The following GCG variants were observed in gnomAD, a reference collection of about 807,000 sequenced individuals.
The protein encoded by GCG is glucagon.
In GCG, 11 loss-of-function variants were observed where a neutral mutation model predicts 22.8. The observed-to-expected ratio is 0.48, with a 90% confidence interval of 0.30 to 0.80. The LOEUF is 0.80. Among genes scored for constraint, GCG ranks in the 30% least tolerant of loss-of-function variants. The pLI is 0.06. For synonymous variants in GCG, 89 were observed against 72.4 expected (o/e 1.23, Z -1.16); for missense variants, 222 against 222.0 (o/e 1.00, Z 0.00).
chr2:162,149,607 A>G (rs1243930300), intron 1 of GCG, among the ~76,000 whole-genome samples: 1 of 152,146 alleles, frequency 6.6e-6, no homozygotes, highest in Non-Finnish European at 1.5e-5. Flanking sequence ...TTCAATTAAT[A>G]GTCCTTCACT....
chr2:162,147,532 T>C lies in GCG; in HGVS notation c.93-18A>G, dbSNP rs765748807. ...AGAATGATCTGTGAAGAACAGTGAT[T>C]GGTACAACATAAATCTCTCCTCAAG... On this transcript the variant is annotated intron_variant, in intron 2 of 5. Transcript: ENST00000418842. 3.1e-6 allele frequency: 5 copies of C among 1,610,812 alleles called. No individual in the cohort carries two copies. The highest frequency in any genetic ancestry group is 2.2e-5 in the South Asian group (2 of 91,020).
intron 1 of GCG, among the ~76,000 whole-genome samples, chr2:162,151,560 AC>A (rs1313706198): frequency 1.3e-5 from 2 of 151,996 alleles, no homozygotes; most frequent in Non-Finnish European, 2.9e-5. Flanking sequence ...TCCAAAGAAA[AC>A]CCCCCAAATA....
rs908394207 is a variant in GCG at position 162,149,290 on chromosome 2, G to A, written c.-9-103C>T. The A allele has an allele frequency of 5.0e-5, 33 of 659,518 alleles. No homozygotes were observed. In the Admixed American group the frequency reaches 8.0e-4, roughly 16 times the overall value. 40.9% of individuals were successfully genotyped at this position (659,518 alleles called of 1,614,324 possible). A position where few individuals can be genotyped will look rare whatever the true frequency, so the allele number is the denominator to read the frequency against. ...TTTGACTAGATAAATATCATAAGTA[G>A]AAGGAAAAAGCTAGTGTTATCACTT... On this transcript the variant is annotated intron_variant, in intron 1 of 5. Transcript: ENST00000418842.
intron 1 of GCG, 144 bp from the exon 2 acceptor site, chr2:162,149,331 T>A: frequency 1.8e-6 from 1 of 548,756 alleles, no homozygotes; most frequent in South Asian, 2.7e-5. Flanking sequence ...CTGATTATAT[T>A]TTCAGCTTAA....
chr2:162,150,671 A>T (rs1686811146), intron 1 of GCG, among the ~76,000 whole-genome samples: 1 of 152,128 alleles, frequency 6.6e-6, no homozygotes, highest in African/African-American at 2.4e-5. Context: ...TGCTTGCAGG[A>T]ATATTTAAAT....
intron 5 of GCG, 123 bp downstream of exon 5, chr2:162,143,904 A>G (rs1686615438): frequency 1.3e-6 from 1 of 769,374 alleles, no homozygotes; most frequent in East Asian, 2.7e-5. Flanking sequence ...AACATGCATA[A>G]TTATTTCCTA....
Position 162,145,662 on chromosome 2 carries a change from T to A in GCG, c.270A>T (p.Lys90Asn). 1 of 1,610,090 alleles carries A rather than the reference T, an allele frequency of 6.2e-7. No homozygotes were observed. The highest frequency in any genetic ancestry group is 8.5e-7 in the Non-Finnish European group (1 of 1,178,166). The change falls in exon 4 of 6, where the codon AAA becomes AAT. Residue 90 changes from lysine to asparagine, a missense_variant. By Grantham distance (94) the Lys-to-Asn change is moderately conservative. Transcript: ENST00000418842. ...NTKRNRNNIA[K>N]RHDEFERHAE... ...CATGTCTCTCAAATTCATCGTGACG[T>A]TTGGCAATGTTATTCCTGAAAGAAA...
chr2:162,149,412 AC>A (rs1330834363), intron 1 of GCG, among the ~76,000 whole-genome samples: 1 of 152,156 alleles, frequency 6.6e-6, no homozygotes, highest in Non-Finnish European at 1.5e-5. Context: ...GATGTGTTCC[AC>A]CATTAAGCTT....
At chr2:162,145,795 G>A in intron 3 of GCG, 118 bp from the exon 4 acceptor site, 1 of 698,194 alleles carries the variant, frequency 1.4e-6, no homozygotes, top group African/African-American at 1.8e-5. Flanking sequence ...AGGGAGTTTA[G>A]GAGATGAGGG....
chr2:162,149,212 G>A (rs751499275), intron 1 of GCG, 25 bp from the exon 2 acceptor site: 2 of 1,333,206 alleles, frequency 1.5e-6, no homozygotes, highest in South Asian at 1.2e-5. Context: ...AATGGGGGTA[G>A]GGTGAGGGGG....
intron 2 of GCG, 50 bp from the exon 3 acceptor site, chr2:162,147,564 C>A (rs777630869): frequency 3.3e-6 from 5 of 1,525,206 alleles, no homozygotes; most frequent in African/African-American, 2.7e-5. Context: ...CAAGAGTAGA[C>A]TCACTTGAGA....
At chr2:162,145,448 G>T in intron 4 of GCG, 92 bp downstream of exon 4, 3 of 1,006,638 alleles carry the variant, frequency 3.0e-6, no homozygotes, top group Non-Finnish European at 4.3e-6. Context: ...ACTACTAATT[G>T]CTTCTGTAAT....
Position 162,144,125 on chromosome 2 carries a change from A to T in GCG, c.438T>A (p.His146Gln), listed in dbSNP as rs1330254423. The change falls in exon 5 of 6, where the codon CAT (histidine) becomes CAA (glutamine). Residue 146 changes from histidine (H) to glutamine (Q), a missense_variant. Physicochemically the swap from His to Gln is conservative, Grantham distance 24. Coordinates refer to ENST00000418842, the MANE Select transcript of GCG (RefSeq NM_002054.5). ...VAIVEELGRR[H>Q]ADGSFSDEMN... ...TCTCATCAGAGAAAGAACCATCAGC[A>T]TGTCTGCGGCCAAGTTCTTCAACAA... The T allele has an allele frequency of 1.2e-6, 2 of 1,612,016 alleles. No individual in the cohort carries two copies. The highest frequency in any genetic ancestry group is 3.3e-5 in the Admixed American group (2 of 59,968).
intron 1 of GCG, among the ~76,000 whole-genome samples, chr2:162,151,873 T>C (rs1413732812): frequency 6.6e-6 from 1 of 152,194 alleles, no homozygotes; most frequent in East Asian, 1.9e-4. Flanking sequence ...AATACAACTC[T>C]CATAACAGTT....
chr2:162,147,315 A>T, intron 3 of GCG, 38 bp downstream of exon 3: 2 of 1,525,258 alleles, frequency 1.3e-6, no homozygotes, highest in Non-Finnish European at 1.8e-6. Flanking sequence ...TATTTAATAC[A>T]TTTATAAGCA....
chr2:162,148,765 G>C (rs1172090682), intron 2 of GCG, among the ~76,000 whole-genome samples: 1 of 152,098 alleles, frequency 6.6e-6, no homozygotes, highest in Non-Finnish European at 1.5e-5. Context: ...AAAGAGAAAA[G>C]AGTTGGTGCG....
rs200956324 is a variant in GCG at position 162,144,203 on chromosome 2, T to C, written c.393-33A>G. The C allele has an allele frequency of 6.7e-5, 104 of 1,549,878 alleles. 1 individual carries two copies. The Admixed American group carries it at 1.6e-3, about 24-fold the overall frequency. Reference sequence around the variant, plus strand: ...AATAAGTGTTAAAATTAGCGTTTGATTAGATATTTTCAATAAATGATCACA... The same window carrying C: ...AATAAGTGTTAAAATTAGCGTTTGACTAGATATTTTCAATAAATGATCACA... On this transcript the variant is annotated intron_variant, in intron 4 of 5. Transcript: ENST00000418842.
chr2:162,149,246 T>A (rs1246390427), intron 1 of GCG, 59 bp from the exon 2 acceptor site: 1 of 900,652 alleles, frequency 1.1e-6, no homozygotes, highest in Non-Finnish European at 1.8e-6. Flanking sequence ...TTTAAACATG[T>A]CAGGCTAAAT....
chr2:162,145,369 A>G (rs1686658037), intron 4 of GCG, 171 bp downstream of exon 4: 1 of 559,838 alleles, frequency 1.8e-6, no homozygotes, highest in Non-Finnish European at 2.9e-6. Context: ...ACTTAGTACC[A>G]AAAACAAAAT....
Sources: allele counts gnomAD v4.1 joint callset (sites outside exome capture counted in the v4.1 genomes callset), GRCh38; gene constraint gnomAD v4.1.1; transcripts MANE v1.5; gene names NCBI Gene and HGNC (gene_info 2026-07-23, HGNC 2026-07-21).